Variants in RPL39L observed in about 807,000 individuals in gnomAD.
The protein encoded by RPL39L is ribosomal protein eL39-like 2.
For synonymous variants in RPL39L, 16 were observed against 20.1 expected (o/e 0.80, Z 0.55); for missense variants, 48 against 58.9 (o/e 0.81, Z 0.61).
chr3:187,137,561 C>T (rs1720605127), intron 1 of RPL39L, among the ~76,000 whole-genome samples: 1 of 151,872 alleles, frequency 6.6e-6, no homozygotes, highest in Non-Finnish European at 1.5e-5. Context: ...GCCTGCAATC[C>T]CAGCACTTTG....
intron 1 of RPL39L, among the ~76,000 whole-genome samples, chr3:187,128,916 C>CCTATTATACCTCTTGCTTTGCTCAGCA (rs1720442676): frequency 6.6e-6 from 1 of 152,106 alleles, no homozygotes; most frequent in Non-Finnish European, 1.5e-5. Context: ...CTAGCCAGAC[C>CCTATTATACCTCTTGCTTTGCTCAGCA]CTATTATACC....
At position 187,139,199 on chromosome 3, in the gene RPL39L, G is replaced by T. The variant is rs1720642200; in HGVS notation, c.-93+14C>A. 6.6e-6 allele frequency: 1 copy of T among 152,508 alleles called. No individual in the cohort carries two copies. Among genetic ancestry groups the T allele is most frequent in the African/African-American group, 2.4e-5 (1 of 41,448 alleles). The allele number at this position is 152,508 out of a possible 1,614,324, so 9.4% of individuals were successfully genotyped here. On this transcript the variant is annotated intron_variant, in intron 1 of 2. Transcript: ENST00000296277. ...CCGGGCCCTGGCGGCGGGTGAGGAG[G>T]AACCTTTACTTACCGGCGCCCTGGC...
chr3:187,125,509 G>A (rs964596450), intron 2 of RPL39L, among the ~76,000 whole-genome samples: 5 of 151,872 alleles, frequency 3.3e-5, no homozygotes, highest in African/African-American at 4.8e-5. Context: ...TTTCTGAATC[G>A]CTGCACTCAG....
In RPL39L at chr3:187,139,414, G is replaced by T. The variant is rs1415428576; in HGVS notation, c.-294C>A. The T allele has an allele frequency of 6.6e-6, 1 of 152,144 alleles. No homozygotes were observed. The highest frequency in any genetic ancestry group is 1.5e-5 in the Non-Finnish European group (1 of 68,050). The allele number at this position is 152,144 out of a possible 1,614,324, so 9.4% of individuals were successfully genotyped here. A position where few individuals can be genotyped will look rare whatever the true frequency, so the allele number is the denominator to read the frequency against. On this transcript the variant is annotated 5_prime_UTR_variant, in exon 1 of 3. Coordinates refer to ENST00000296277, the MANE Select transcript of RPL39L (RefSeq NM_052969.3). Reference sequence around the variant, plus strand: ...CTTGGTGTCTCTGAGACTCCGAGACGCCTCGCCCCCACCTGGCGTTCGGAG... The same window carrying T: ...CTTGGTGTCTCTGAGACTCCGAGACTCCTCGCCCCCACCTGGCGTTCGGAG...
chr3:187,126,143 A>C (rs1720393553), intron 2 of RPL39L, among the ~76,000 whole-genome samples: 1 of 152,016 alleles, frequency 6.6e-6, no homozygotes, highest in Admixed American at 6.6e-5. Flanking sequence ...TGTTCCCAAA[A>C]ATATAAACAT....
At chr3:187,122,639 C>T (rs1393405012) in intron 2 of RPL39L, among the ~76,000 whole-genome samples, 1 of 152,108 alleles carries the variant, frequency 6.6e-6, no homozygotes, top group African/African-American at 2.4e-5. Flanking sequence ...GTGAGGCTAC[C>T]GGCTTTTAAG....
At chr3:187,134,443 CA>C (rs1720537614) in intron 1 of RPL39L, among the ~76,000 whole-genome samples, 1 of 136,420 alleles carries the variant, frequency 7.3e-6, no homozygotes, top group Non-Finnish European at 1.5e-5. Context: ...TTATCCAGCC[CA>C]AAATGTCAGT....
chr3:187,121,284 G>C lies in RPL39L; in HGVS notation c.17C>G (p.Thr6Ser). ...GGCCAGGAATCGCTTAATGGTGAAA[G>C]TCTTGTGAGAAGACATGGCGAGAAA... MSSHK[T>S]FTIKRFLAKK... The change falls in exon 3 of 3, where the codon ACT becomes AGT. Residue 6 changes from threonine to serine, a missense_variant. Thr to Ser is a moderately conservative substitution (Grantham distance 58). Transcript: ENST00000296277. 6.2e-7 allele frequency: 1 copy of C among 1,614,030 alleles called. No individual in the cohort carries two copies. Among genetic ancestry groups the C allele is most frequent in the Non-Finnish European group, 8.5e-7 (1 of 1,179,910 alleles).
At chr3:187,131,348 C>A (rs1384751579) in intron 1 of RPL39L, among the ~76,000 whole-genome samples, 1 of 152,114 alleles carries the variant, frequency 6.6e-6, no homozygotes, top group African/African-American at 2.4e-5. Context: ...ACCAGCCTGA[C>A]CAACATGGTA....
At chr3:187,122,316 T>C (rs1560198850) in intron 2 of RPL39L, among the ~76,000 whole-genome samples, 1 of 152,194 alleles carries the variant, frequency 6.6e-6, no homozygotes. Context: ...AGTAATTACA[T>C]GATGGCAGTA....
chr3:187,121,844 T>C (rs981000821), intron 2 of RPL39L, among the ~76,000 whole-genome samples: 2 of 152,238 alleles, frequency 1.3e-5, no homozygotes, highest in Admixed American at 1.3e-4. Flanking sequence ...GTAGATATTA[T>C]TTTGTAACTA....
chr3:187,137,652 G>A (rs143741591), intron 1 of RPL39L, among the ~76,000 whole-genome samples: 4,242 of 152,044 alleles, frequency 0.028, 207 homozygotes, highest in African/African-American at 0.098. Context: ...GTGAAACCCC[G>A]TCTTTACTAA....
rs1720301733 is a variant in RPL39L, at chr3:187,121,173, T to C, written c.128A>G (p.His43Arg). Residue 43 changes from histidine to arginine, a missense_variant, in exon 3 of 3, where the codon CAT (histidine) becomes CGT (arginine). Transcript: ENST00000296277. ...SKIRYNSKRR[H>R]WRRTKLGL ...TAGACCCAGCTTGGTTCTTCTCCAATGCCTCCTTTTGGAGTTGTACCTGAT... is the reference window on the plus strand; with the variant it reads ...TAGACCCAGCTTGGTTCTTCTCCAACGCCTCCTTTTGGAGTTGTACCTGAT... 4.3e-6 allele frequency: 7 copies of C among 1,613,932 alleles called. No individual in the cohort carries two copies. Among genetic ancestry groups the C allele is most frequent in the Non-Finnish European group, 5.9e-6 (7 of 1,179,846 alleles).
At position 187,121,120 on chromosome 3, in the gene RPL39L, T is replaced by C. The variant is rs932590400; in HGVS notation, c.*25A>G. The C allele has an allele frequency of 3.7e-6, 6 of 1,611,550 alleles. No homozygotes were observed. The highest frequency in any genetic ancestry group is 1.7e-5 in the Admixed American group (1 of 59,994). On this transcript the variant is annotated 3_prime_UTR_variant, in exon 3 of 3. Transcript: ENST00000296277. ...TCGTGAACTTGATACAGCATAAATA[T>C]GTGTGCCATCTCATGTGCAATTCCT...
rs370001422 is a variant in RPL39L, at chr3:187,131,551, AAAC to A, written c.-92-3492_-92-3490del. 7.9e-5 allele frequency among the ~76,000 whole-genome samples: 12 copies of A among 152,262 alleles called. No individual in the cohort carries two copies. In the South Asian group the frequency reaches 1.0e-3, roughly 13 times the overall value. ...ACTCCTTCTCATTTAAAACAAAACA[AAAC>A]AACAACAACAACAAAAGAACTGTGG... On this transcript the variant is annotated intron_variant, in intron 1 of 2. Coordinates refer to ENST00000296277, the MANE Select transcript of RPL39L (RefSeq NM_052969.3).
intron 1 of RPL39L, among the ~76,000 whole-genome samples, chr3:187,131,099 T>C (rs1047732168): frequency 2.6e-5 from 4 of 152,210 alleles, no homozygotes; most frequent in Admixed American, 6.5e-5. Flanking sequence ...TTTTCACATA[T>C]ACAACTCTCA....
intron 1 of RPL39L, among the ~76,000 whole-genome samples, chr3:187,133,463 G>T (rs1203605739): frequency 6.6e-6 from 1 of 152,076 alleles, no homozygotes; most frequent in Admixed American, 6.6e-5. Context: ...GGCCTCCCCA[G>T]CCATGTGGAA....
chr3:187,121,723 T>G (rs1031472104), intron 2 of RPL39L, among the ~76,000 whole-genome samples: 1 of 152,204 alleles, frequency 6.6e-6, no homozygotes, highest in Non-Finnish European at 1.5e-5. Flanking sequence ...AAAAAACTAT[T>G]ATCCCATCTA....
intron 1 of RPL39L, among the ~76,000 whole-genome samples, chr3:187,134,852 TC>T (rs1359772990): frequency 1.3e-5 from 2 of 152,206 alleles, no homozygotes; most frequent in Non-Finnish European, 2.9e-5. Flanking sequence ...AACTCCCAGT[TC>T]CCACCTCTGT....
Sources: gnomAD v4.1 joint callset for allele counts (sites outside exome capture counted in the v4.1 genomes callset) on GRCh38, gnomAD v4.1.1 for gene constraint, MANE v1.5 for transcripts, NCBI Gene and HGNC (gene_info 2026-07-23, HGNC 2026-07-21) for gene names.